The following PAM variants were observed in gnomAD, a reference collection of about 807,000 sequenced individuals.
PAM encodes the protein peptidylglycine alpha-amidating monooxygenase.
PAM carries 72 observed loss-of-function variants against 122.1 expected under a neutral mutation model. That is an observed-to-expected ratio of 0.59 (90% confidence interval 0.49 to 0.72). The LOEUF (loss-of-function observed/expected upper bound fraction) is 0.72, where lower values mean the gene tolerates loss of function less well. Among genes scored for constraint, PAM ranks in the 30% least tolerant of loss-of-function variants. PAM has a pLI of 0.00. For synonymous variants in PAM, 389 were observed against 404.4 expected (o/e 0.96, Z 0.46); for missense variants, 1,106 against 1,183.7 (o/e 0.93, Z 0.96).
At chr5:102,788,885 A>T (rs1026114096) in intron 1 of PAM, among the ~76,000 whole-genome samples, 4 of 152,112 alleles carry the variant, frequency 2.6e-5, no homozygotes, top group African/African-American at 9.7e-5. Context: ...GTGGAGATAA[A>T]ATGTGTTCAT....
At chr5:102,789,688 A>T (rs374575547) in intron 1 of PAM, among the ~76,000 whole-genome samples, 4 of 152,102 alleles carry the variant, frequency 2.6e-5, no homozygotes, top group African/African-American at 9.7e-5. Context: ...GTTTGGGAAG[A>T]TAAACAAGTT....
chr5:103,024,776 G>A (rs1366279683), intron 23 of PAM, among the ~76,000 whole-genome samples: 2 of 152,078 alleles, frequency 1.3e-5, no homozygotes, highest in East Asian at 3.9e-4. Flanking sequence ...TTGTACCCAG[G>A]TTTGTTTGAT....
chr5:102,920,769 T>C (rs1359894235), intron 5 of PAM, among the ~76,000 whole-genome samples: 1 of 152,044 alleles, frequency 6.6e-6, no homozygotes, highest in Admixed American at 6.6e-5. Flanking sequence ...AATTTAAGGC[T>C]ATACAGACTT....
intron 6 of PAM, among the ~76,000 whole-genome samples, chr5:102,925,870 A>C (rs1293249756): frequency 1.3e-5 from 2 of 152,194 alleles, no homozygotes; most frequent in African/African-American, 4.8e-5. Flanking sequence ...AGTAAGACTA[A>C]TAAGAATATT....
chr5:102,994,977 C>T (rs556309124), intron 16 of PAM, among the ~76,000 whole-genome samples: 1 of 152,132 alleles, frequency 6.6e-6, no homozygotes, highest in Non-Finnish European at 1.5e-5. Context: ...CCTCCTCCCC[C>T]CAGATAGCTC....
Position 103,021,249 on chromosome 5 carries a change from A to G in PAM, c.2485+1406A>G, listed in dbSNP as rs373267532. Among the ~76,000 whole-genome samples the G allele has an allele frequency of 2.6e-5, 4 of 152,304 alleles. No homozygotes were observed. The South Asian group carries it at 8.3e-4, about 32-fold the overall frequency. ...GGTACCAAAGCCTGCACTCTTAACC[A>G]CTATTGCTATACTGCTGAGGAGAGA... On this transcript the variant is annotated intron_variant, in intron 23 of 25. Transcript: ENST00000438793.
intron 1 of PAM, among the ~76,000 whole-genome samples, chr5:102,809,663 A>G (rs1014401837): frequency 2.6e-5 from 4 of 152,242 alleles, no homozygotes; most frequent in Non-Finnish European, 5.9e-5. Flanking sequence ...CCTTCTGTCT[A>G]ACTTGCTTTA....
At chr5:103,009,087 T>A (rs1309852177) in intron 20 of PAM, among the ~76,000 whole-genome samples, 1 of 152,180 alleles carries the variant, frequency 6.6e-6, no homozygotes, top group African/African-American at 2.4e-5. Flanking sequence ...ATCATCTGAA[T>A]TGTTTATTTA....
intron 4 of PAM, among the ~76,000 whole-genome samples, chr5:102,910,691 A>G (rs528856331): frequency 3.9e-5 from 6 of 151,966 alleles, no homozygotes; most frequent in African/African-American, 1.4e-4. Context: ...CACCATCCCA[A>G]GGCTGTCTTT....
At chr5:102,890,464 A>G (rs1794481266) in intron 3 of PAM, among the ~76,000 whole-genome samples, 1 of 151,712 alleles carries the variant, frequency 6.6e-6, no homozygotes, top group Middle Eastern at 3.2e-3. Context: ...ATACATCTAT[A>G]CAAGGAAACT....
chr5:102,813,535 C>G (rs1206554144), intron 1 of PAM, among the ~76,000 whole-genome samples: 1 of 152,200 alleles, frequency 6.6e-6, no homozygotes, highest in African/African-American at 2.4e-5. Context: ...CTCACTTAAT[C>G]TCACTGATTC....
chr5:102,895,576 A>G (rs9784742), intron 3 of PAM, among the ~76,000 whole-genome samples: 2,414 of 149,914 alleles, frequency 0.016, 54 homozygotes, highest in African/African-American at 0.055. Context: ...GCCTGGGGGG[A>G]AAAAAACACA....
chr5:102,881,928 A>G (rs1791261528), intron 3 of PAM, among the ~76,000 whole-genome samples: 1 of 150,486 alleles, frequency 6.6e-6, no homozygotes, highest in African/African-American at 2.4e-5. Context: ...GAGTGAGAAC[A>G]TATGATGTTT....
At chr5:102,796,184 C>T (rs370408115) in intron 1 of PAM, among the ~76,000 whole-genome samples, 2 of 152,252 alleles carry the variant, frequency 1.3e-5, no homozygotes, top group East Asian at 3.9e-4. Context: ...GAGGGCAACA[C>T]CAGTGGAGTT....
chr5:102,934,940 G>A (rs921965268), intron 7 of PAM, among the ~76,000 whole-genome samples: 12 of 152,158 alleles, frequency 7.9e-5, no homozygotes, highest in African/African-American at 2.9e-4. Flanking sequence ...CTTCATATTT[G>A]AGTTTTCAGT....
At position 103,012,144 on chromosome 5, in the gene PAM, T is replaced by G. The variant is rs182484443; in HGVS notation, c.2331+2278T>G. ...TTTACTATAGAGTTGTTTGAGCTCC[T>G]TATATATTGTGGTTGTTAATCCCTT... is the stretch of plus-strand genomic sequence containing the variant. On this transcript the variant is annotated intron_variant, in intron 21 of 25. Coordinates refer to ENST00000438793, the MANE Select transcript of PAM (RefSeq NM_001177306.2). 1.2e-4 allele frequency among the ~76,000 whole-genome samples: 18 copies of G among 152,332 alleles called. No homozygotes were observed. The East Asian group carries it at 3.5e-3, about 29-fold the overall frequency.
At chr5:103,025,672 G>A (rs1441887747) in intron 24 of PAM, among the ~76,000 whole-genome samples, 3 of 152,138 alleles carry the variant, frequency 2.0e-5, no homozygotes, top group East Asian at 3.9e-4. Flanking sequence ...CAGAGGAGGA[G>A]ATACCTGCTG....
intron 4 of PAM, among the ~76,000 whole-genome samples, chr5:102,901,781 A>C (rs1797998596): frequency 2.0e-5 from 3 of 151,536 alleles, no homozygotes; most frequent in Admixed American, 1.3e-4. Context: ...GACTGCACTT[A>C]GAATCAACAT....
In PAM at chr5:102,974,108, T is replaced by A. The variant is rs1191171701; in HGVS notation, c.1163-8T>A. ...TCCACGCCCTTATCTCTTCTCTTTT[T>A]TCCACAGGTGATTTCTATTCACTAC... On this transcript the variant is annotated splice_polypyrimidine_tract_variant and splice_region_variant and intron_variant, in intron 14 of 25. Coordinates refer to ENST00000438793, the MANE Select transcript of PAM (RefSeq NM_001177306.2). 13 of 1,604,576 alleles carry A rather than the reference T, an allele frequency of 8.1e-6. No individual in the cohort carries two copies. The East Asian group carries it at 2.7e-4, about 33-fold the overall frequency.
Sources: allele counts gnomAD v4.1 joint callset (sites outside exome capture counted in the v4.1 genomes callset), GRCh38; gene constraint gnomAD v4.1.1; transcripts MANE v1.5; gene names NCBI Gene and HGNC (gene_info 2026-07-23, HGNC 2026-07-21).